SGCZ: variants seen among roughly 807,000 people sequenced by gnomAD.
SGCZ encodes zeta-sarcoglycan.
SGCZ carries 40 observed loss-of-function variants against 41.3 expected under a neutral mutation model. The observed-to-expected ratio is 0.97, with a 90% CI of 0.75 to 1.26. The LOEUF is 1.26. Among genes scored for constraint, SGCZ ranks in the 50% most tolerant of loss-of-function variants. The pLI is 0.00. For synonymous variants in SGCZ, 206 were observed against 137.5 expected (o/e 1.50, Z -3.49); for missense variants, 552 against 369.8 (o/e 1.49, Z -4.04).
At chr8:15,033,665 G>C (rs1179572611) in intron 1 of SGCZ, among the ~76,000 whole-genome samples, 1 of 152,048 alleles carries the variant, frequency 6.6e-6, no homozygotes, top group East Asian at 1.9e-4. Context: ...CATCCCAGTG[G>C]ACCTAGGCAT....
intron 3 of SGCZ, among the ~76,000 whole-genome samples, chr8:14,277,644 G>A (rs1052608558): frequency 6.6e-6 from 1 of 152,100 alleles, no homozygotes; most frequent in Non-Finnish European, 1.5e-5. Context: ...TACAGAGAAT[G>A]ATACCCTGAA....
intron 1 of SGCZ, among the ~76,000 whole-genome samples, chr8:15,066,275 T>G (rs868708106): frequency 1.9e-4 from 27 of 142,368 alleles, no homozygotes; most frequent in Admixed American, 2.2e-4. Context: ...GCCACTGCAG[T>G]CCGCAGTCCG....
At chr8:14,182,167 G>A (rs1804749514) in intron 4 of SGCZ, among the ~76,000 whole-genome samples, 1 of 152,090 alleles carries the variant, frequency 6.6e-6, no homozygotes, top group African/African-American at 2.4e-5. Flanking sequence ...CACAAAATTG[G>A]GGGAAAGAAT....
chr8:14,552,125 T>G (rs866705093), intron 2 of SGCZ, among the ~76,000 whole-genome samples: 45 of 152,064 alleles, frequency 3.0e-4, no homozygotes, highest in African/African-American at 9.9e-4. Flanking sequence ...CAACTAGTCT[T>G]TGGTATTCTC....
chr8:15,169,260 G>A (rs956039581), intron 1 of SGCZ, among the ~76,000 whole-genome samples: 22 of 152,156 alleles, frequency 1.4e-4, no homozygotes, highest in African/African-American at 5.1e-4. Context: ...TTTAAAGGGG[G>A]AAATGAGACA....
Position 14,425,727 on chromosome 8 carries a change from G to A in SGCZ, c.235-101523C>T, listed in dbSNP as rs367995827. On this transcript the variant is annotated intron_variant, in intron 2 of 7. Transcript: ENST00000382080. ...AAACTTACTTATACAATTTTGCTAT[G>A]TTTCTTAGTTTTTAGGTACATTTAC... is the stretch of plus-strand genomic sequence containing the variant. Among the ~76,000 whole-genome samples the A allele has an allele frequency of 1.1e-4, 17 of 152,006 alleles. 1 individual carries two copies. The East Asian group carries it at 3.3e-3, about 29-fold the overall frequency.
intron 1 of SGCZ, among the ~76,000 whole-genome samples, chr8:15,227,321 G>T (rs1801809290): frequency 6.6e-6 from 1 of 152,136 alleles, no homozygotes; most frequent in East Asian, 1.9e-4. Context: ...TCTGAGAGTG[G>T]AAGATCAAAT....
chr8:14,485,283 C>A (rs978717702), intron 2 of SGCZ, among the ~76,000 whole-genome samples: 1 of 152,178 alleles, frequency 6.6e-6, no homozygotes, highest in Admixed American at 6.5e-5. Context: ...CCTGCCCCCG[C>A]TGGAATGCAG....
At chr8:15,091,946 G>C (rs1386907888) in intron 1 of SGCZ, among the ~76,000 whole-genome samples, 2 of 151,916 alleles carry the variant, frequency 1.3e-5, no homozygotes, top group African/African-American at 4.8e-5. Context: ...TAGAGACGGG[G>C]TTTCACTGTG....
chr8:14,550,707 C>G (rs1803777219), intron 2 of SGCZ, among the ~76,000 whole-genome samples: 1 of 151,958 alleles, frequency 6.6e-6, no homozygotes. Context: ...CCTGGGATTG[C>G]TGGTAACCTT....
chr8:14,395,242 T>A (rs912991087), intron 2 of SGCZ, among the ~76,000 whole-genome samples: 1 of 152,184 alleles, frequency 6.6e-6, no homozygotes, highest in Admixed American at 6.5e-5. Context: ...ATATTAAACA[T>A]AGCCTTTGCC....
chr8:14,580,357 T>C (rs17309611), intron 1 of SGCZ, among the ~76,000 whole-genome samples: 5,757 of 152,302 alleles, frequency 0.038, 162 homozygotes, highest in Non-Finnish European at 0.06. Context: ...GAAACCATTT[T>C]TGAAGTTTAA....
At chr8:14,174,112 A>G (rs1464623097) in intron 4 of SGCZ, among the ~76,000 whole-genome samples, 1 of 152,138 alleles carries the variant, frequency 6.6e-6, no homozygotes, top group Non-Finnish European at 1.5e-5. Flanking sequence ...ATCCAATCCA[A>G]TACAATTTTC....
At chr8:14,963,885 T>C (rs1161158479) in intron 1 of SGCZ, among the ~76,000 whole-genome samples, 1 of 152,182 alleles carries the variant, frequency 6.6e-6, no homozygotes, top group Non-Finnish European at 1.5e-5. Flanking sequence ...TTCAGTGCTT[T>C]CTAAAATAAA....
At chr8:14,784,965 ATAAT>A (rs1448508377) in intron 1 of SGCZ, among the ~76,000 whole-genome samples, 46 of 140,800 alleles carry the variant, frequency 3.3e-4, no homozygotes, top group African/African-American at 1.1e-3. Context: ...TTATATATAT[ATAAT>A]ATATATATTT....
chr8:14,870,207 A>G (rs1804096187), intron 1 of SGCZ, among the ~76,000 whole-genome samples: 1 of 152,198 alleles, frequency 6.6e-6, no homozygotes, highest in Non-Finnish European at 1.5e-5. Flanking sequence ...ACAGTACGGT[A>G]CTAGTACCAG....
intron 2 of SGCZ, among the ~76,000 whole-genome samples, chr8:14,385,730 C>T (rs1461824850): frequency 6.6e-6 from 1 of 151,914 alleles, no homozygotes; most frequent in African/African-American, 2.4e-5. Flanking sequence ...AGAGAACAAC[C>T]AACCAAACAA....
At chr8:14,993,003 T>A (rs1209154272) in intron 1 of SGCZ, among the ~76,000 whole-genome samples, 3 of 151,932 alleles carry the variant, frequency 2.0e-5, no homozygotes, top group Non-Finnish European at 4.4e-5. Flanking sequence ...TTACCCTTGA[T>A]ATTTACCTCA....
chr8:14,291,723 C>G (rs1167674402), intron 3 of SGCZ, among the ~76,000 whole-genome samples: 2 of 151,920 alleles, frequency 1.3e-5, no homozygotes, highest in African/African-American at 2.4e-5. Flanking sequence ...AACTTTCTTA[C>G]AGTGGAGTTA....
Sources: gnomAD v4.1 joint callset for allele counts (sites outside exome capture counted in the v4.1 genomes callset) on GRCh38, gnomAD v4.1.1 for gene constraint, MANE v1.5 for transcripts, NCBI Gene and HGNC (gene_info 2026-07-23, HGNC 2026-07-21) for gene names.